ADCY8: variants seen among roughly 807,000 people sequenced by gnomAD.
ADCY8 encodes adenylate cyclase type 8.
Under a neutral mutation model 119.7 loss-of-function variants are expected in ADCY8, and 51 were observed. That is an observed-to-expected ratio of 0.43 (90% CI 0.34 to 0.54). The LOEUF (loss-of-function observed/expected upper bound fraction) is 0.54. Among genes scored for constraint, ADCY8 ranks in the 20% least tolerant of loss-of-function variants. ADCY8 has a pLI of 0.03. For missense variants in ADCY8, 1,383 were observed against 1,598.8 expected (o/e 0.87, Z 2.30); for synonymous variants, 665 against 651.0 (o/e 1.02, Z -0.33).
chr8:130,985,124 G>A (rs1822359898), intron 2 of ADCY8, among the ~76,000 whole-genome samples: 2 of 152,126 alleles, frequency 1.3e-5, no homozygotes, highest in Non-Finnish European at 2.9e-5. Context: ...ATTAAGAGAG[G>A]AGAGTGCTTC....
intron 3 of ADCY8, among the ~76,000 whole-genome samples, chr8:130,948,498 G>C (rs1370444179): frequency 6.6e-6 from 1 of 152,092 alleles, no homozygotes; most frequent in Admixed American, 6.5e-5. Flanking sequence ...CCAAGGGTGT[G>C]GCTACCCCAG....
Position 131,040,246 on chromosome 8 carries a change from C to T in ADCY8, c.88G>A (p.Ala30Thr). 1 of 1,547,880 alleles carries T rather than the reference C, an allele frequency of 6.5e-7. No homozygotes were observed. Among genetic ancestry groups the T allele is most frequent in the African/African-American group, 1.4e-5 (1 of 73,496 alleles). ...PTPPAGDGRS[A>T]SRPQRLLWQT... ...CACAGCAGCCGCTGCGGCCGGGAGGCGCTCCTGCCGTCGCCGGCCGGGGGC... is the reference window on the plus strand; with the variant it reads ...CACAGCAGCCGCTGCGGCCGGGAGGTGCTCCTGCCGTCGCCGGCCGGGGGC... Residue 30 changes from alanine to threonine, a missense_variant, in exon 1 of 18, where the codon GCC becomes ACC. By Grantham distance (58) the Ala-to-Thr change is moderately conservative (BLOSUM62 0). Transcript: ENST00000286355.
intron 11 of ADCY8, among the ~76,000 whole-genome samples, chr8:130,842,871 C>CAAAAAAA (rs35357039): frequency 3.4e-5 from 3 of 87,294 alleles, no homozygotes; most frequent in African/African-American, 1.4e-4. Context: ...CACTCTGTCT[C>CAAAAAAA]AAAAAAAAAA....
At chr8:130,813,277 T>A (rs1415753901) in intron 14 of ADCY8, among the ~76,000 whole-genome samples, 2 of 152,190 alleles carry the variant, frequency 1.3e-5, no homozygotes. Flanking sequence ...TATAGTTTAG[T>A]GGCATTAAGT....
chr8:130,796,521 G>A (rs572716664), intron 15 of ADCY8, among the ~76,000 whole-genome samples: 10 of 152,132 alleles, frequency 6.6e-5, no homozygotes, highest in Non-Finnish European at 1.2e-4. Flanking sequence ...AGCAAGAAGA[G>A]AAGCATCAGT....
chr8:130,918,555 C>T (rs930484606), intron 5 of ADCY8, among the ~76,000 whole-genome samples: 15 of 152,126 alleles, frequency 9.9e-5, no homozygotes, highest in African/African-American at 3.6e-4. Flanking sequence ...AGATTATTCC[C>T]ATTTTAATTA....
chr8:130,836,229 C>T (rs201234752), intron 12 of ADCY8, 48 bp downstream of exon 12: 151 of 1,547,062 alleles, frequency 9.8e-5, no homozygotes, highest in Admixed American at 1.6e-4. Context: ...AATTCCACTT[C>T]CCACAGGAAG....
intron 15 of ADCY8, among the ~76,000 whole-genome samples, chr8:130,797,820 C>T (rs1168875382): frequency 6.6e-6 from 1 of 152,176 alleles, no homozygotes; most frequent in Non-Finnish European, 1.5e-5. Flanking sequence ...TCCATCTTGA[C>T]CCCCCACACC....
intron 1 of ADCY8, among the ~76,000 whole-genome samples, chr8:131,007,347 C>A (rs983294560): frequency 2.6e-5 from 4 of 152,088 alleles, no homozygotes; most frequent in African/African-American, 9.7e-5. Context: ...TATTAGTGAT[C>A]TCAGATGGGG....
At chr8:130,823,575 T>G (rs1456930371) in intron 12 of ADCY8, among the ~76,000 whole-genome samples, 1 of 152,196 alleles carries the variant, frequency 6.6e-6, no homozygotes, top group Non-Finnish European at 1.5e-5. Context: ...AGGAACATTC[T>G]TAAGTGAAAA....
intron 2 of ADCY8, among the ~76,000 whole-genome samples, chr8:130,965,988 T>TA (rs1193402443): frequency 6.6e-6 from 1 of 152,180 alleles, no homozygotes; most frequent in Non-Finnish European, 1.5e-5. Flanking sequence ...ACAAGCTTAG[T>TA]AAAAAAGAAG....
At chr8:130,977,877 G>C (rs1263764414) in intron 2 of ADCY8, among the ~76,000 whole-genome samples, 1 of 152,180 alleles carries the variant, frequency 6.6e-6, no homozygotes, top group African/African-American at 2.4e-5. Context: ...GGGTGCAGTG[G>C]ATCACATGGG....
intron 1 of ADCY8, among the ~76,000 whole-genome samples, chr8:131,012,306 C>G (rs565493787): frequency 3.3e-5 from 5 of 152,150 alleles, no homozygotes; most frequent in Non-Finnish European, 7.4e-5. Flanking sequence ...CTGGGTCACA[C>G]CACCAGGTAA....
At chr8:130,988,883 A>T (rs1336887153) in intron 2 of ADCY8, among the ~76,000 whole-genome samples, 3 of 152,238 alleles carry the variant, frequency 2.0e-5, no homozygotes, top group African/African-American at 4.8e-5. Context: ...AATAAGAGGC[A>T]TCCCATACAA....
chr8:130,929,321 C>A (rs1820563686), intron 5 of ADCY8, among the ~76,000 whole-genome samples: 2 of 151,910 alleles, frequency 1.3e-5, no homozygotes, highest in African/African-American at 4.8e-5. Context: ...TTGCTGTATC[C>A]CATAAGTTTG....
At chr8:130,950,408 G>A (rs1821234863) in intron 3 of ADCY8, among the ~76,000 whole-genome samples, 1 of 152,208 alleles carries the variant, frequency 6.6e-6, no homozygotes, top group Non-Finnish European at 1.5e-5. Context: ...TGGGGCTGCA[G>A]GAGGAATTGC....
intron 1 of ADCY8, among the ~76,000 whole-genome samples, chr8:131,028,970 C>T (rs1264944535): frequency 1.3e-5 from 2 of 152,304 alleles, no homozygotes; most frequent in African/African-American, 2.4e-5. Flanking sequence ...TTCCAGTGTG[C>T]TTGCACAGCA....
chr8:131,027,245 A>C (rs1257856590), intron 1 of ADCY8, among the ~76,000 whole-genome samples: 1 of 152,220 alleles, frequency 6.6e-6, no homozygotes, highest in African/African-American at 2.4e-5. Flanking sequence ...CTTATTCTTA[A>C]GCAGGTACTT....
In ADCY8 at chr8:130,857,876, A is replaced by G. The variant is rs568218155; in HGVS notation, c.2211-8073T>C. Among the ~76,000 whole-genome samples the G allele has an allele frequency of 7.9e-5, 12 of 152,324 alleles. No individual in the cohort carries two copies. The South Asian group carries it at 1.2e-3, about 16-fold the overall frequency. On this transcript the variant is annotated intron_variant, in intron 9 of 17. Transcript: ENST00000286355. ...TCTCTCACTTTTTTACAAGTTTTCCAGATAATCAACCATTTCCCTATCATC... is the reference window on the plus strand; with the variant it reads ...TCTCTCACTTTTTTACAAGTTTTCCGGATAATCAACCATTTCCCTATCATC...
Sources: allele counts gnomAD v4.1 joint callset (sites outside exome capture counted in the v4.1 genomes callset), GRCh38; gene constraint gnomAD v4.1.1; transcripts MANE v1.5; gene names NCBI Gene and HGNC (gene_info 2026-07-23, HGNC 2026-07-21).